TBCEL: variants seen among roughly 807,000 people sequenced by gnomAD.
TBCEL encodes the protein tubulin folding cofactor E like.
A neutral mutation model predicts 44.2 loss-of-function variants in TBCEL; 15 were observed. The observed-to-expected ratio is 0.34, with a 90% CI of 0.23 to 0.52. The LOEUF is 0.52. Ranked by LOEUF, TBCEL falls within the 20% of genes least tolerant of loss-of-function variation. The probability of loss-of-function intolerance (pLI) is 0.95; values close to 1 mark genes in which losing one functional copy is unlikely to be tolerated. For missense variants in TBCEL, 319 were observed against 506.3 expected (o/e 0.63, Z 3.55); for synonymous variants, 171 against 185.4 (o/e 0.92, Z 0.63).
intron 8 of TBCEL, among the ~76,000 whole-genome samples, chr11:121,085,579 AC>A (rs1946201575): frequency 6.6e-6 from 1 of 152,170 alleles, no homozygotes; most frequent in African/African-American, 2.4e-5. Flanking sequence ...TGGAGTCAAG[AC>A]CCTGAAGACA....
chr11:121,033,205 A>G lies in TBCEL; in HGVS notation c.-125-3300A>G, dbSNP rs538499039. Among the ~76,000 whole-genome samples the G allele has an allele frequency of 4.5e-3, 687 of 152,314 alleles. 5 individuals carry two copies. The highest frequency in any genetic ancestry group is 0.014 in the Middle Eastern group (4 of 294). On this transcript the variant is annotated intron_variant, in intron 1 of 8. Transcript: ENST00000683345. ...GTAAATTGAAGGAAATAATTTTAGG[A>G]AAGAATTGCAACTCTTAAAATGTTG...
intron 8 of TBCEL, among the ~76,000 whole-genome samples, chr11:121,068,010 A>G (rs572845373): frequency 2.4e-4 from 37 of 152,260 alleles, no homozygotes; most frequent in African/African-American, 6.7e-4. Context: ...TTACCCCAGG[A>G]CTTAGTCCTT....
At chr11:121,067,564 T>C (rs1174978226) in intron 8 of TBCEL, among the ~76,000 whole-genome samples, 1 of 152,076 alleles carries the variant, frequency 6.6e-6, no homozygotes, top group Admixed American at 6.5e-5. Flanking sequence ...AGAGGAAAAA[T>C]CTCTGTTTTC....
At chr11:121,041,936 TAA>T (rs939590619) in intron 2 of TBCEL, among the ~76,000 whole-genome samples, 1 of 151,440 alleles carries the variant, frequency 6.6e-6, no homozygotes. Flanking sequence ...AAAGAAGTCT[TAA>T]AAAAAATCGT....
chr11:121,090,085 AAGC>A lies in TBCEL; in HGVS notation c.*2995_*2997del, dbSNP rs1946269288. 6.6e-6 allele frequency: 1 copy of A among 152,208 alleles called. No homozygotes were observed. Among genetic ancestry groups the A allele is most frequent in the Admixed American group, 6.5e-5 (1 of 15,280 alleles). The allele number at this position is 152,208 out of a possible 1,614,324, so 9.4% of individuals were successfully genotyped here. ...CCAGCATTGCCATAAATACGTAAGA[AAGC>A]AGCAGATAGTATAAGCCCCTAGTTA... On this transcript the variant is annotated 3_prime_UTR_variant, in exon 9 of 9. Coordinates refer to ENST00000683345, the MANE Select transcript of TBCEL (RefSeq NM_001363644.2).
chr11:121,063,213 G>A (rs1033745566), intron 8 of TBCEL, among the ~76,000 whole-genome samples: 1 of 152,076 alleles, frequency 6.6e-6, no homozygotes, highest in African/African-American at 2.4e-5. Flanking sequence ...GCTTCTGCAG[G>A]TGGGGTAAAA....
rs570073401 is a variant in TBCEL at position 121,047,613 on chromosome 11, C to T, written c.219C>T (p.Cys73=). Residue 73 remains cysteine (C), a synonymous_variant, in exon 4 of 9, where the codon TGC becomes TGT. Coordinates refer to ENST00000683345, the MANE Select transcript of TBCEL (RefSeq NM_001363644.2). ...AGDEKEIAAF[C]AHVSELDLSD... is the part of the protein sequence containing the mutation. ...ATGAAAAAGAAATTGCTGCTTTCTG[C>T]GCTCATGTGTCGGAACTAGATCTTT... The T allele has an allele frequency of 2.7e-5, 44 of 1,612,668 alleles. No individual in the cohort carries two copies. In the East Asian group the frequency reaches 4.7e-4, roughly 17 times the overall value.
intron 2 of TBCEL, among the ~76,000 whole-genome samples, chr11:121,038,076 C>CA (rs1450169313): frequency 6.6e-6 from 1 of 152,002 alleles, no homozygotes. Context: ...TCTCTTGCCT[C>CA]AGCCTCCCAA....
At chr11:121,048,678 C>T (rs966137049) in intron 4 of TBCEL, among the ~76,000 whole-genome samples, 2 of 151,846 alleles carry the variant, frequency 1.3e-5, no homozygotes, top group African/African-American at 4.8e-5. Context: ...GCATAAAGGC[C>T]TACAGTTGCC....
chr11:121,067,256 T>C (rs952347413), intron 8 of TBCEL, among the ~76,000 whole-genome samples: 1 of 152,226 alleles, frequency 6.6e-6, no homozygotes, highest in Non-Finnish European at 1.5e-5. Context: ...TAAAAGACTT[T>C]AAAGAGGATC....
In TBCEL at chr11:121,089,003, G is replaced by A. The variant is rs990103725; in HGVS notation, c.*1907G>A. 9.9e-5 allele frequency: 15 copies of A among 152,178 alleles called. No individual in the cohort carries two copies. The highest frequency in any genetic ancestry group is 3.6e-4 in the African/African-American group (15 of 41,460). 9.4% of individuals were successfully genotyped at this position (152,178 alleles called of 1,614,324 possible). A position where few individuals can be genotyped will look rare whatever the true frequency, so the allele number is the denominator to read the frequency against. On this transcript the variant is annotated 3_prime_UTR_variant, in exon 9 of 9. Transcript: ENST00000683345. ...AACACATTTTCCTGACAGATTTTTG[G>A]AAGTAGGAAAAAAGTATGGCAACAG...
intron 1 of TBCEL, among the ~76,000 whole-genome samples, chr11:121,025,405 TAAAAAAA>T (rs570341125): frequency 1.4e-5 from 2 of 144,954 alleles, no homozygotes; most frequent in Non-Finnish European, 3.0e-5. Context: ...CTTTCAAACT[TAAAAAAA>T]AAAAAATTAT....
At chr11:121,062,207 A>G (rs760017363) in intron 8 of TBCEL, among the ~76,000 whole-genome samples, 4 of 152,070 alleles carry the variant, frequency 2.6e-5, no homozygotes, top group Non-Finnish European at 5.9e-5. Context: ...CAGGGCAGTG[A>G]CATATATGGA....
At chr11:121,030,111 A>G (rs1047207322) in intron 1 of TBCEL, among the ~76,000 whole-genome samples, 3 of 152,218 alleles carry the variant, frequency 2.0e-5, no homozygotes, top group African/African-American at 7.2e-5. Flanking sequence ...ATTTGTGTTT[A>G]AATTTGAGAC....
At chr11:121,038,753 TC>T (rs1475714668) in intron 2 of TBCEL, among the ~76,000 whole-genome samples, 4 of 152,154 alleles carry the variant, frequency 2.6e-5, no homozygotes, top group Non-Finnish European at 5.9e-5. Flanking sequence ...TTGTCTTTTT[TC>T]AGAAAAAAAG....
At chr11:121,060,111 A>C in intron 8 of TBCEL, 26 bp downstream of exon 8, 1 of 1,535,202 alleles carries the variant, frequency 6.5e-7, no homozygotes, top group Non-Finnish European at 9.0e-7. Context: ...TTGGCCAAAC[A>C]CTTTAGAGGG....
intron 1 of TBCEL, among the ~76,000 whole-genome samples, chr11:121,024,556 A>AG (rs1565487824): frequency 3.3e-5 from 5 of 149,488 alleles, no homozygotes; most frequent in Non-Finnish European, 7.5e-5. Flanking sequence ...GGGCTGGGGG[A>AG]CTGGTCCCGG....
intron 1 of TBCEL, among the ~76,000 whole-genome samples, chr11:121,029,820 A>C (rs1945112730): frequency 6.6e-6 from 1 of 152,192 alleles, no homozygotes. Context: ...TTTCACTGTC[A>C]GAAGGTGTTG....
chr11:121,083,853 C>T (rs1282960541), intron 8 of TBCEL, among the ~76,000 whole-genome samples: 1 of 152,062 alleles, frequency 6.6e-6, no homozygotes, highest in Non-Finnish European at 1.5e-5. Context: ...AACTTGGTGC[C>T]TTAGTTCATT....
Sources: gnomAD v4.1 joint callset for allele counts (sites outside exome capture counted in the v4.1 genomes callset) on GRCh38, gnomAD v4.1.1 for gene constraint, MANE v1.5 for transcripts, NCBI Gene and HGNC (gene_info 2026-07-23, HGNC 2026-07-21) for gene names.